AKAP13: variants seen among roughly 807,000 people sequenced by gnomAD.
AKAP13 encodes A-kinase anchoring protein 13.
Under a neutral mutation model 264.5 loss-of-function variants are expected in AKAP13, and 80 were observed. The ratio of observed to expected loss-of-function variants is 0.30; its 90% CI spans 0.25 to 0.36. AKAP13 has a LOEUF of 0.36. Among genes scored for constraint, AKAP13 ranks in the 10% least tolerant of loss-of-function variants. AKAP13 has a pLI of 1.00. For synonymous variants in AKAP13, 1,380 were observed against 1,250.2 expected (o/e 1.10, Z -2.19); for missense variants, 3,712 against 3,435.2 (o/e 1.08, Z -2.01).
chr15:85,710,757 T>C, intron 19 of AKAP13, 112 bp downstream of exon 19: 2 of 1,202,918 alleles, frequency 1.7e-6, no homozygotes, highest in Non-Finnish European at 2.3e-6. Context: ...AATACCTATT[T>C]TGTGGTAAGT....
At chr15:85,712,791 G>C (rs552661582) in intron 19 of AKAP13, among the ~76,000 whole-genome samples, 1 of 152,282 alleles carries the variant, frequency 6.6e-6, no homozygotes, top group South Asian at 2.1e-4. Flanking sequence ...GCATCTGTCT[G>C]TCTTGGCCTC....
intron 8 of AKAP13, among the ~76,000 whole-genome samples, chr15:85,598,931 A>G (rs1487594869): frequency 1.3e-5 from 2 of 152,240 alleles, no homozygotes; most frequent in Admixed American, 1.3e-4. Context: ...TTCCAGTTCC[A>G]GAAAGTGATG....
intron 1 of AKAP13, among the ~76,000 whole-genome samples, chr15:85,407,230 C>CTTT (rs796411972): frequency 1.5e-5 from 2 of 132,178 alleles, no homozygotes; most frequent in Non-Finnish European, 3.3e-5. Context: ...TGTGCTGGGT[C>CTTT]TTTTTTTTTT....
chr15:85,718,205 C>T lies in AKAP13; in HGVS notation c.6001+46C>T. ...CTGATTATATTTGATTTCCATTGTC[C>T]AGCATTTTTAAGCAGTAATTTGTTG... On this transcript the variant is annotated intron_variant, in intron 22 of 36. Transcript: ENST00000394518. This position sits in a 1 kb window ranked among gnomAD's most constrained non-coding sequence, Gnocchi z 4.9. 4.4e-6 allele frequency: 7 copies of T among 1,595,368 alleles called. No individual in the cohort carries two copies. Among genetic ancestry groups the T allele is most frequent in the Non-Finnish European group, 6.0e-6 (7 of 1,167,844 alleles).
chr15:85,507,729 G>A (rs891761220), intron 2 of AKAP13, among the ~76,000 whole-genome samples: 12 of 152,210 alleles, frequency 7.9e-5, no homozygotes, highest in Non-Finnish European at 1.6e-4. Flanking sequence ...TCTGGGGACT[G>A]GTGTAATCAG....
chr15:85,625,925 A>C (rs2081388585), intron 8 of AKAP13, among the ~76,000 whole-genome samples: 2 of 152,196 alleles, frequency 1.3e-5, no homozygotes, highest in Non-Finnish European at 2.9e-5. Context: ...GGGCAGAAGG[A>C]GGGGGGAGAT....
At chr15:85,513,715 TGTC>T (rs1306589738) in intron 2 of AKAP13, among the ~76,000 whole-genome samples, 1 of 152,238 alleles carries the variant, frequency 6.6e-6, no homozygotes. Context: ...GCTCTTTAGT[TGTC>T]ATGTCTCTTA....
At chr15:85,404,766 A>G (rs1414362541) in intron 1 of AKAP13, among the ~76,000 whole-genome samples, 1 of 152,206 alleles carries the variant, frequency 6.6e-6, no homozygotes, top group Non-Finnish European at 1.5e-5. Flanking sequence ...AGCTTATGGT[A>G]GGGGCTCAGT....
chr15:85,459,927 T>G (rs2074442307), intron 1 of AKAP13, among the ~76,000 whole-genome samples: 1 of 152,188 alleles, frequency 6.6e-6, no homozygotes, highest in African/African-American at 2.4e-5. Flanking sequence ...TTTCAAATAT[T>G]TCTCAAATTT....
intron 1 of AKAP13, among the ~76,000 whole-genome samples, chr15:85,455,817 C>G (rs2074263408): frequency 2.0e-5 from 3 of 151,998 alleles, no homozygotes; most frequent in African/African-American, 2.4e-5. Flanking sequence ...TAGCTTCTTA[C>G]TGCAAACTAC....
intron 35 of AKAP13, among the ~76,000 whole-genome samples, chr15:85,741,721 CAAACAAACAAAAA>C (rs2088994887): frequency 1.3e-5 from 1 of 77,904 alleles, no homozygotes; most frequent in South Asian, 3.9e-4. Context: ...AAAAAACAAA[CAAACAAACAAAAA>C]AAAAAAACAG....
At chr15:85,680,871 G>A (rs779838584) in intron 14 of AKAP13, among the ~76,000 whole-genome samples, 4 of 152,192 alleles carry the variant, frequency 2.6e-5, no homozygotes, top group Non-Finnish European at 5.9e-5. Flanking sequence ...AGGCTGGAGT[G>A]CAGTGGCGCA....
chr15:85,593,322 C>CA (rs1201971344), intron 8 of AKAP13, among the ~76,000 whole-genome samples: 6 of 151,440 alleles, frequency 4.0e-5, no homozygotes, highest in African/African-American at 7.3e-5. Context: ...AAAACAAAAA[C>CA]AAAAAAACAA....
In AKAP13 at chr15:85,744,954, G is replaced by A. The variant is rs536152011; in HGVS notation, c.*277G>A. On this transcript the variant is annotated 3_prime_UTR_variant, in exon 37 of 37. Transcript: ENST00000394518. Reference sequence around the variant, plus strand: ...GGATTACACTGAAAGTAATGGCCTCGTAAGTACAGGTGATGGTTTTGGACA... The same window carrying A: ...GGATTACACTGAAAGTAATGGCCTCATAAGTACAGGTGATGGTTTTGGACA... The A allele has an allele frequency of 2.5e-5, 9 of 354,554 alleles. No homozygotes were observed. Among genetic ancestry groups the A allele is most frequent in the Admixed American group, 4.3e-5 (1 of 23,284 alleles). The allele number at this position is 354,554 out of a possible 1,614,324, so 22.0% of individuals were successfully genotyped here. A position where few individuals can be genotyped will look rare whatever the true frequency, so the allele number is the denominator to read the frequency against.
chr15:85,533,932 T>A lies in AKAP13; in HGVS notation c.478+52T>A, dbSNP rs577220109. 1.0e-5 allele frequency: 14 copies of A among 1,372,772 alleles called. No individual in the cohort carries two copies. The East Asian group carries it at 1.2e-4, about 12-fold the overall frequency. The allele number at this position is 1,372,772 out of a possible 1,614,324, so 85.0% of individuals were successfully genotyped here. ...CACTTTAAGTTTGTGATATTTCTAC[T>A]TTTTTTTTAATGGGGCTACTTTTCT... On this transcript the variant is annotated intron_variant, in intron 4 of 36. Transcript: ENST00000394518.
rs1184832625 is a variant in AKAP13 at position 85,744,441 on chromosome 15, A to C, written c.8393-187A>C. 4.7e-6 allele frequency: 3 copies of C among 633,976 alleles called. No individual in the cohort carries two copies. In the African/African-American group the frequency reaches 5.5e-5, roughly 12 times the overall value. 39.3% of individuals were successfully genotyped at this position (633,976 alleles called of 1,614,324 possible). A position where few individuals can be genotyped will look rare whatever the true frequency, so the allele number is the denominator to read the frequency against. On this transcript the variant is annotated intron_variant, in intron 36 of 36. Coordinates refer to ENST00000394518, the MANE Select transcript of AKAP13 (RefSeq NM_007200.5). ...TTAAAAGTTAAAGGGAGCATTAGGC[A>C]GTGAAGGATATCACTTAAGAACCTT...
At chr15:85,538,091 C>T (rs914263124) in intron 4 of AKAP13, among the ~76,000 whole-genome samples, 1 of 151,992 alleles carries the variant, frequency 6.6e-6, no homozygotes, top group East Asian at 1.9e-4. Context: ...TTTCTCAGCT[C>T]GGTGGTTAGT....
chr15:85,546,740 T>C (rs936306349), intron 5 of AKAP13, among the ~76,000 whole-genome samples: 6 of 152,012 alleles, frequency 3.9e-5, no homozygotes, highest in Admixed American at 2.0e-4. Flanking sequence ...ATCTTTCTTT[T>C]TTTTTTTTTT....
At chr15:85,563,383 G>T (rs1021126166) in intron 5 of AKAP13, among the ~76,000 whole-genome samples, 18 of 136,374 alleles carry the variant, frequency 1.3e-4, no homozygotes, top group Non-Finnish European at 2.2e-4. Context: ...TTTGGGCTAG[G>T]CAGTTTGTCC....
Sources: allele counts gnomAD v4.1 joint callset (sites outside exome capture counted in the v4.1 genomes callset), GRCh38; gene constraint gnomAD v4.1.1; non-coding constraint Gnocchi (gnomAD v3.1); transcripts MANE v1.5; gene names NCBI Gene and HGNC (gene_info 2026-07-23, HGNC 2026-07-21).